EYA4: variants seen among roughly 807,000 people sequenced by gnomAD.
EYA4 encodes EYA transcriptional coactivator and phosphatase 4, also known as protein phosphatase EYA4.
EYA4 carries 31 observed loss-of-function variants against 87.9 expected under a neutral mutation model. The observed-to-expected ratio is 0.35, with a 90% CI of 0.27 to 0.48. The LOEUF is 0.48. EYA4 is among the 20% of genes least tolerant of loss of function. The probability of loss-of-function intolerance (pLI) is 0.99; values close to 1 mark genes in which losing one functional copy is unlikely to be tolerated. For synonymous variants in EYA4, 263 were observed against 270.6 expected (o/e 0.97, Z 0.28); for missense variants, 678 against 761.4 (o/e 0.89, Z 1.29).
At chr6:133,469,846 A>G (rs1795173852) in intron 11 of EYA4, among the ~76,000 whole-genome samples, 3 of 152,178 alleles carry the variant, frequency 2.0e-5, no homozygotes, top group Non-Finnish European at 2.9e-5. Flanking sequence ...ATAAAATTAG[A>G]TTTCAAAAAA....
At chr6:133,460,726 T>C (rs1208022692) in intron 6 of EYA4, among the ~76,000 whole-genome samples, 3 of 152,130 alleles carry the variant, frequency 2.0e-5, no homozygotes, top group Non-Finnish European at 4.4e-5. Flanking sequence ...AAGAGCAATA[T>C]GTATATATTG....
intron 2 of EYA4, among the ~76,000 whole-genome samples, chr6:133,348,305 G>A (rs183976267): frequency 3.5e-4 from 40 of 115,682 alleles, no homozygotes; most frequent in Admixed American, 1.5e-3. Context: ...ACAGAGTCTC[G>A]CTCTGTTGCC....
At chr6:133,464,996 TA>T (rs1450895825) in intron 10 of EYA4, 138 bp downstream of exon 10, 6 of 643,344 alleles carry the variant, frequency 9.3e-6, no homozygotes, top group African/African-American at 3.7e-5. Context: ...TTCAGGATAG[TA>T]AAAAATTAGC....
chr6:133,466,892 G>C (rs1794898192), intron 10 of EYA4, among the ~76,000 whole-genome samples: 1 of 152,020 alleles, frequency 6.6e-6, no homozygotes, highest in Admixed American at 6.6e-5. Flanking sequence ...TAAGGAATTT[G>C]GATTCTATTC....
intron 2 of EYA4, among the ~76,000 whole-genome samples, chr6:133,372,677 GA>G (rs1334792874): frequency 6.6e-6 from 1 of 151,332 alleles, no homozygotes; most frequent in Non-Finnish European, 1.5e-5. Context: ...GGAAGATCAA[GA>G]AGATAAAATC....
chr6:133,390,648 A>T (rs1310658008), intron 3 of EYA4, among the ~76,000 whole-genome samples: 2 of 152,228 alleles, frequency 1.3e-5, no homozygotes, highest in Admixed American at 6.5e-5. Flanking sequence ...GAAAAAATAT[A>T]TACCAGTTAC....
chr6:133,242,664 G>A (rs905971060), intron 1 of EYA4, among the ~76,000 whole-genome samples: 10 of 152,196 alleles, frequency 6.6e-5, no homozygotes, highest in African/African-American at 2.2e-4. Flanking sequence ...GGTAGCACTT[G>A]AAAGAGTTTT....
At chr6:133,326,533 TTTGGTGTGTGTTA>T (rs1781511169) in intron 2 of EYA4, among the ~76,000 whole-genome samples, 1 of 152,210 alleles carries the variant, frequency 6.6e-6, no homozygotes, top group South Asian at 2.1e-4. Context: ...AATGTGTCTT[TTTGGTGTGTGTTA>T]TTGGTGTGGA....
chr6:133,290,176 A>G (rs1464941619), intron 2 of EYA4, among the ~76,000 whole-genome samples: 2 of 152,192 alleles, frequency 1.3e-5, no homozygotes, highest in African/African-American at 4.8e-5. Flanking sequence ...GGTGAGCTCT[A>G]TCTCCCAGTT....
At chr6:133,262,181 G>A (rs778986699) in intron 1 of EYA4, among the ~76,000 whole-genome samples, 1 of 152,190 alleles carries the variant, frequency 6.6e-6, no homozygotes, top group Non-Finnish European at 1.5e-5. Flanking sequence ...TGTGTGTTAA[G>A]CAATATATAT....
At chr6:133,300,255 A>G (rs1779291318) in intron 2 of EYA4, among the ~76,000 whole-genome samples, 1 of 151,914 alleles carries the variant, frequency 6.6e-6, no homozygotes. Flanking sequence ...TGTCTCGGGG[A>G]TGGCAGAGAT....
chr6:133,299,690 CAACA>C (rs1779215795), intron 2 of EYA4, among the ~76,000 whole-genome samples: 1 of 149,346 alleles, frequency 6.7e-6, no homozygotes, highest in Non-Finnish European at 1.5e-5. Flanking sequence ...CCAGCCTGGG[CAACA>C]GAGTGAGACT....
At chr6:133,314,210 A>T (rs981906978) in intron 2 of EYA4, among the ~76,000 whole-genome samples, 1 of 152,190 alleles carries the variant, frequency 6.6e-6, no homozygotes, top group Non-Finnish European at 1.5e-5. Context: ...AAAAAAATAT[A>T]GATGAGAAAA....
At chr6:133,477,095 T>G (rs1562465771) in intron 11 of EYA4, among the ~76,000 whole-genome samples, 1 of 152,052 alleles carries the variant, frequency 6.6e-6, no homozygotes, top group Non-Finnish European at 1.5e-5. Context: ...CTGCCATGAT[T>G]GTAAGTTTCC....
chr6:133,281,429 A>T (rs1297120931), intron 2 of EYA4, among the ~76,000 whole-genome samples: 1 of 152,192 alleles, frequency 6.6e-6, no homozygotes, highest in Non-Finnish European at 1.5e-5. Flanking sequence ...ATGATTTCTC[A>T]TATGTAAGCG....
chr6:133,481,234 G>A (rs1368473028), intron 11 of EYA4, among the ~76,000 whole-genome samples: 1 of 152,140 alleles, frequency 6.6e-6, no homozygotes, highest in African/African-American at 2.4e-5. Flanking sequence ...AAGGCGTATG[G>A]TGTAGAAAAG....
intron 2 of EYA4, among the ~76,000 whole-genome samples, chr6:133,364,197 A>G (rs778044811): frequency 2.0e-5 from 3 of 152,204 alleles, no homozygotes; most frequent in Non-Finnish European, 4.4e-5. Context: ...GAGTGTTGCA[A>G]GTGTTGCCAA....
At chr6:133,376,100 T>A (rs997403482) in intron 2 of EYA4, among the ~76,000 whole-genome samples, 11 of 151,984 alleles carry the variant, frequency 7.2e-5, no homozygotes, top group Admixed American at 3.3e-4. Flanking sequence ...TTCACAGTAA[T>A]TCTGTATCGT....
At chr6:133,477,896 CAAT>C (rs1399174171) in intron 11 of EYA4, among the ~76,000 whole-genome samples, 1 of 151,386 alleles carries the variant, frequency 6.6e-6, no homozygotes, top group Non-Finnish European at 1.5e-5. Context: ...TTTGACAAAT[CAAT>C]AAGAAAAAGA....
Sources: allele counts gnomAD v4.1 joint callset (sites outside exome capture counted in the v4.1 genomes callset), GRCh38; gene constraint gnomAD v4.1.1; transcripts MANE v1.5; gene names NCBI Gene and HGNC (gene_info 2026-07-23, HGNC 2026-07-21).